Variants in GREB1L observed in about 807,000 individuals in gnomAD.
GREB1L encodes the protein GREB1 like retinoic acid receptor coactivator, also known as GREB1-like protein.
In GREB1L, 17 loss-of-function variants were observed where a neutral mutation model predicts 200.8. The observed-to-expected ratio is 0.08, with a 90% confidence interval of 0.06 to 0.13. GREB1L has a LOEUF of 0.13. Among genes scored for constraint, GREB1L ranks in the 10% least tolerant of loss-of-function variants. The probability of loss-of-function intolerance (pLI) is 1.00; values close to 1 mark genes in which losing one functional copy is unlikely to be tolerated. For synonymous variants in GREB1L, 789 were observed against 893.0 expected (o/e 0.88, Z 2.08); for missense variants, 1,657 against 2,367.7 (o/e 0.70, Z 6.23).
chr18:21,254,421 C>G (rs142349387), intron 1 of GREB1L, among the ~76,000 whole-genome samples: 1 of 151,930 alleles, frequency 6.6e-6, no homozygotes, highest in Non-Finnish European at 1.5e-5. Flanking sequence ...GTTTTTCACG[C>G]GTATCATTTT....
chr18:21,485,414 A>G (rs753812811), intron 17 of GREB1L: 23 of 454,742 alleles, frequency 5.1e-5, no homozygotes, highest in Non-Finnish European at 9.0e-5. Context: ...TCACATATTC[A>G]GTTCCTTTGA....
chr18:21,318,382 G>A (rs2038904855), intron 1 of GREB1L, among the ~76,000 whole-genome samples: 1 of 152,090 alleles, frequency 6.6e-6, no homozygotes, highest in African/African-American at 2.4e-5. Flanking sequence ...TTCGGATTTT[G>A]TTTTTCTTTT....
chr18:21,337,638 C>T (rs535303612), intron 1 of GREB1L, among the ~76,000 whole-genome samples: 1 of 152,200 alleles, frequency 6.6e-6, no homozygotes, highest in Non-Finnish European at 1.5e-5. Flanking sequence ...GAGATAGAAG[C>T]ACAGAGCAGT....
intron 5 of GREB1L, 116 bp from the exon 6 acceptor site, chr18:21,401,034 C>T: frequency 3.8e-6 from 3 of 789,908 alleles, no homozygotes; most frequent in Non-Finnish European, 6.0e-6. Context: ...GAATTATTTC[C>T]TTGAGATTGA....
chr18:21,288,664 G>C (rs1367819103), intron 1 of GREB1L, among the ~76,000 whole-genome samples: 2 of 151,982 alleles, frequency 1.3e-5, no homozygotes, highest in Non-Finnish European at 1.5e-5. Context: ...CTGGGGGTAT[G>C]TGGGAAGTTA....
intron 7 of GREB1L, among the ~76,000 whole-genome samples, chr18:21,433,438 G>T (rs2033309778): frequency 6.6e-6 from 1 of 152,154 alleles, no homozygotes. Context: ...ATATGACTGT[G>T]GCCTGAAACA....
chr18:21,273,990 A>G (rs547336175), intron 1 of GREB1L, among the ~76,000 whole-genome samples: 15 of 152,350 alleles, frequency 9.8e-5, no homozygotes, highest in African/African-American at 3.1e-4. Flanking sequence ...TTAGAATAAG[A>G]TATGTAAATA....
chr18:21,501,243 G>A (rs1408382799), intron 23 of GREB1L, among the ~76,000 whole-genome samples: 1 of 151,012 alleles, frequency 6.6e-6, no homozygotes, highest in Non-Finnish European at 1.5e-5. Context: ...TTTGGTTTTT[G>A]GGCTGTTTTT....
At chr18:21,264,573 A>G (rs1017923430) in intron 1 of GREB1L, among the ~76,000 whole-genome samples, 4 of 152,196 alleles carry the variant, frequency 2.6e-5, no homozygotes, top group African/African-American at 7.2e-5. Context: ...AACAAGACCA[A>G]GACAAGTTCT....
At chr18:21,501,327 T>C (rs1250698387) in intron 23 of GREB1L, among the ~76,000 whole-genome samples, 1 of 151,786 alleles carries the variant, frequency 6.6e-6, no homozygotes, top group Admixed American at 6.6e-5. Context: ...ACGTGTGCCA[T>C]GGTGGTTTGC....
chr18:21,503,079 A>C (rs2036864346), intron 23 of GREB1L, among the ~76,000 whole-genome samples: 1 of 152,182 alleles, frequency 6.6e-6, no homozygotes, highest in Admixed American at 6.5e-5. Flanking sequence ...TATAAAAATA[A>C]ATGTATTATA....
At chr18:21,339,857 T>C (rs917889017) in intron 1 of GREB1L, among the ~76,000 whole-genome samples, 2 of 152,242 alleles carry the variant, frequency 1.3e-5, no homozygotes, top group African/African-American at 2.4e-5. Context: ...TACAAAGATC[T>C]AGAACCTACA....
intron 16 of GREB1L, among the ~76,000 whole-genome samples, chr18:21,474,724 A>G (rs1168552888): frequency 6.6e-6 from 1 of 152,030 alleles, no homozygotes; most frequent in East Asian, 1.9e-4. Flanking sequence ...GGCCCACAAA[A>G]ATACTTTTTC....
intron 6 of GREB1L, among the ~76,000 whole-genome samples, chr18:21,402,354 G>A (rs1345944599): frequency 2.0e-5 from 3 of 151,616 alleles, no homozygotes; most frequent in Non-Finnish European, 2.9e-5. Context: ...GTACTCAGTG[G>A]CAATTCATCC....
intron 23 of GREB1L, among the ~76,000 whole-genome samples, chr18:21,501,101 GA>G (rs1004406301): frequency 6.7e-6 from 1 of 149,556 alleles, no homozygotes; most frequent in Non-Finnish European, 1.5e-5. Flanking sequence ...AGAAAGAAAT[GA>G]AAAAAAAGAA....
intron 1 of GREB1L, among the ~76,000 whole-genome samples, chr18:21,294,996 GT>G (rs1322344208): frequency 2.0e-5 from 3 of 152,212 alleles, no homozygotes; most frequent in East Asian, 1.9e-4. Flanking sequence ...TCTTCTATTA[GT>G]TTTTTGTCTC....
chr18:21,293,631 A>G (rs1033048229), intron 1 of GREB1L, among the ~76,000 whole-genome samples: 1 of 152,186 alleles, frequency 6.6e-6, no homozygotes, highest in African/African-American at 2.4e-5. Context: ...ATCCCTTTTT[A>G]TTCAGCCAAA....
intron 2 of GREB1L, among the ~76,000 whole-genome samples, chr18:21,370,135 T>C (rs1254614220): frequency 1.3e-5 from 2 of 152,324 alleles, no homozygotes; most frequent in Non-Finnish European, 2.9e-5. Context: ...ATGGTTAGCT[T>C]TGTGCTTTTA....
At chr18:21,445,913 G>C (rs2145339696) in intron 11 of GREB1L, among the ~76,000 whole-genome samples, 1 of 152,288 alleles carries the variant, frequency 6.6e-6, no homozygotes, top group East Asian at 1.9e-4. Flanking sequence ...AAGATCTAAA[G>C]CCAACTTCTA....
Sources: allele counts gnomAD v4.1 joint callset (sites outside exome capture counted in the v4.1 genomes callset), GRCh38; gene constraint gnomAD v4.1.1; transcripts MANE v1.5; gene names NCBI Gene and HGNC (gene_info 2026-07-23, HGNC 2026-07-21).